Variants in CNNM2 observed in about 807,000 individuals in gnomAD.
CNNM2 encodes metal transporter CNNM2.
CNNM2 carries 12 observed loss-of-function variants against 66.9 expected under a neutral mutation model. The observed-to-expected ratio is 0.18, with a 90% CI of 0.11 to 0.29. The LOEUF is 0.29. CNNM2 is among the 10% of genes least tolerant of loss of function. CNNM2 has a pLI of 1.00. For missense variants in CNNM2, 705 were observed against 1,167.7 expected (o/e 0.60, Z 5.77); for synonymous variants, 557 against 501.8 (o/e 1.11, Z -1.47).
intron 1 of CNNM2, among the ~76,000 whole-genome samples, chr10:102,996,916 C>G (rs1015858041): frequency 2.0e-5 from 3 of 152,150 alleles, no homozygotes; most frequent in Admixed American, 6.5e-5. Flanking sequence ...ATTCTATTCA[C>G]TCACATCTCC....
chr10:103,076,600 G>GT (rs1441086339), intron 7 of CNNM2, among the ~76,000 whole-genome samples: 1 of 152,232 alleles, frequency 6.6e-6, no homozygotes, highest in African/African-American at 2.4e-5. Context: ...CCCTGGGAAG[G>GT]CTGAGGTCAG....
intron 6 of CNNM2, among the ~76,000 whole-genome samples, chr10:103,073,819 G>A (rs1310426005): frequency 2.3e-4 from 29 of 127,898 alleles, no homozygotes; most frequent in Admixed American, 9.9e-5. Context: ...CCGAGATTCC[G>A]CCACTGCAGT....
Position 103,077,243 on chromosome 10 carries a change from GC to G in CNNM2, c.*66del. ...CAGTCCCGAGGGCCCGGCCCTGTCT[GC>G]CCATGACTTCACTGGTGTGAGCTTG... On this transcript the variant is annotated 3_prime_UTR_variant, in exon 8 of 8. Transcript: ENST00000369878. The G allele has an allele frequency of 6.9e-7, 1 of 1,448,810 alleles. No homozygotes were observed. The highest frequency in any genetic ancestry group is 9.6e-7 in the Non-Finnish European group (1 of 1,045,188). The allele number at this position is 1,448,810 out of a possible 1,614,324, so 89.7% of individuals were successfully genotyped here.
chr10:102,994,568 T>C (rs908372363), intron 1 of CNNM2, among the ~76,000 whole-genome samples: 1 of 152,170 alleles, frequency 6.6e-6, no homozygotes, highest in Non-Finnish European at 1.5e-5. Flanking sequence ...GCCAACAAAA[T>C]AGCTGCCAGT....
chr10:102,945,147 T>A (rs1590288387), intron 1 of CNNM2, among the ~76,000 whole-genome samples: 1 of 152,302 alleles, frequency 6.6e-6, no homozygotes, highest in East Asian at 1.9e-4. Flanking sequence ...AGTATGACTC[T>A]GCAAAGCCTT....
chr10:103,025,178 A>G (rs1224379724), intron 1 of CNNM2, among the ~76,000 whole-genome samples: 2 of 151,896 alleles, frequency 1.3e-5, no homozygotes, highest in East Asian at 1.9e-4. Context: ...GGCAACCTCC[A>G]ACTCCCTGGT....
chr10:103,048,764 G>T (rs2065170364), intron 1 of CNNM2, among the ~76,000 whole-genome samples: 1 of 152,188 alleles, frequency 6.6e-6, no homozygotes, highest in East Asian at 1.9e-4. Context: ...GAATTCAACA[G>T]AAGTGTTTTA....
chr10:103,014,554 T>G (rs1233286309), intron 1 of CNNM2, among the ~76,000 whole-genome samples: 1 of 152,188 alleles, frequency 6.6e-6, no homozygotes, highest in Non-Finnish European at 1.5e-5. Flanking sequence ...TATGCTTTGG[T>G]CAGAGCTTAG....
rs371215623 is a variant in CNNM2, at chr10:102,918,963, C to T, written c.483C>T (p.Pro161=). Residue 161 remains proline, a synonymous_variant, in exon 1 of 8, where the codon CCC becomes CCT. Transcript: ENST00000369878. The surrounding 1 kb of genome is among the most constrained non-coding windows in gnomAD (Gnocchi z 4.1). ...GCACCTCAGACATCATCATCTTGCC[C>T]CACATCATTCTCAACCGCCGCACCT... ...GIRTSDIIIL[P]HIILNRRTSG... 1.1e-5 allele frequency: 18 copies of T among 1,612,560 alleles called. No homozygotes were observed. The African/African-American group carries it at 1.9e-4, about 17-fold the overall frequency.
intron 2 of CNNM2, 129 bp downstream of exon 2, chr10:103,049,979 A>C (rs1446623473): frequency 1.2e-6 from 1 of 829,208 alleles, no homozygotes; most frequent in African/African-American, 1.7e-5. Flanking sequence ...TAGGCCGTGC[A>C]CAACCTGTTG....
intron 1 of CNNM2, among the ~76,000 whole-genome samples, chr10:103,011,819 A>G (rs1435864738): frequency 3.3e-5 from 5 of 151,846 alleles, no homozygotes; most frequent in Non-Finnish European, 5.9e-5. Context: ...CAACCTCCCA[A>G]ATAGCTGGGA....
chr10:103,063,306 T>C (rs2065419861), intron 4 of CNNM2, among the ~76,000 whole-genome samples: 1 of 152,182 alleles, frequency 6.6e-6, no homozygotes. Flanking sequence ...TCTCGGTTAA[T>C]ACAACCCAGT....
chr10:103,076,936 C>A, intron 7 of CNNM2, 35 bp from the exon 8 acceptor site: 1 of 1,583,122 alleles, frequency 6.3e-7, no homozygotes, highest in Non-Finnish European at 8.7e-7. Flanking sequence ...TAAGCATTAT[C>A]TTGGTTTGTT....
At chr10:103,076,380 T>C (rs2065691325) in intron 7 of CNNM2, 110 bp downstream of exon 7, 1 of 1,089,740 alleles carries the variant, frequency 9.2e-7, no homozygotes, top group South Asian at 1.5e-5. Context: ...TTTGTCACTT[T>C]GTGGGTGCCC....
chr10:102,984,926 C>G (rs1340524912), intron 1 of CNNM2, among the ~76,000 whole-genome samples: 1 of 152,102 alleles, frequency 6.6e-6, no homozygotes, highest in Non-Finnish European at 1.5e-5. Flanking sequence ...GGATTATAGG[C>G]TTGACCACTG....
chr10:102,950,078 G>T (rs1846771424), intron 1 of CNNM2, among the ~76,000 whole-genome samples: 1 of 152,170 alleles, frequency 6.6e-6, no homozygotes, highest in Admixed American at 6.5e-5. Context: ...CTCCTGTCGT[G>T]GAGATACATG....
chr10:103,028,104 TCTG>T (rs1277574714), intron 1 of CNNM2, among the ~76,000 whole-genome samples: 1 of 152,254 alleles, frequency 6.6e-6, no homozygotes, highest in African/African-American at 2.4e-5. Context: ...GCAGCCTAGA[TCTG>T]CTGAACATTG....
At chr10:102,921,724 T>C (rs1331640571) in intron 1 of CNNM2, among the ~76,000 whole-genome samples, 2 of 152,202 alleles carry the variant, frequency 1.3e-5, no homozygotes, top group African/African-American at 4.8e-5. Context: ...CCTGAAAGTC[T>C]TTCTATTGCT....
At chr10:102,987,751 G>A (rs1217529830) in intron 1 of CNNM2, among the ~76,000 whole-genome samples, 1 of 152,088 alleles carries the variant, frequency 6.6e-6, no homozygotes, top group Non-Finnish European at 1.5e-5. Context: ...TGCAACCTCT[G>A]CTCTAACAAA....
Sources: gnomAD v4.1 joint callset for allele counts (sites outside exome capture counted in the v4.1 genomes callset) on GRCh38, gnomAD v4.1.1 for gene constraint, Gnocchi (gnomAD v3.1) non-coding constraint, MANE v1.5 for transcripts, NCBI Gene and HGNC (gene_info 2026-07-23, HGNC 2026-07-21) for gene names.